The following COL22A1 variants were observed in gnomAD, a reference collection of about 807,000 sequenced individuals.
The protein encoded by COL22A1 is collagen alpha-1(XXII) chain.
A neutral mutation model predicts 248.9 loss-of-function variants in COL22A1; 221 were observed. That is an observed-to-expected ratio of 0.89 (90% CI 0.80 to 0.99). The LOEUF is 0.99. Ranked by LOEUF, COL22A1 falls within the 50% of genes least tolerant of loss-of-function variation. COL22A1 has a pLI of 0.00. For missense variants in COL22A1, 2,240 were observed against 2,179.0 expected (o/e 1.03, Z -0.56); for synonymous variants, 891 against 793.4 (o/e 1.12, Z -2.07).
At chr8:138,795,783 T>C (rs1013218047) in intron 12 of COL22A1, among the ~76,000 whole-genome samples, 6 of 152,206 alleles carry the variant, frequency 3.9e-5, no homozygotes, top group Non-Finnish European at 8.8e-5. Flanking sequence ...GTGCATATCC[T>C]TGATTTATCT....
At chr8:138,638,219 G>T (rs1465365494) in intron 47 of COL22A1, among the ~76,000 whole-genome samples, 1 of 152,168 alleles carries the variant, frequency 6.6e-6, no homozygotes, top group Non-Finnish European at 1.5e-5. Flanking sequence ...TAATAAGTGT[G>T]TTTCAGCAAA....
At chr8:138,658,098 G>A (rs920454368) in intron 44 of COL22A1, among the ~76,000 whole-genome samples, 1 of 152,186 alleles carries the variant, frequency 6.6e-6, no homozygotes, top group African/African-American at 2.4e-5. Context: ...ACAGAAGGAG[G>A]ATCCTGGAAC....
chr8:138,868,553 T>C (rs1209170712), intron 3 of COL22A1, among the ~76,000 whole-genome samples: 1 of 152,184 alleles, frequency 6.6e-6, no homozygotes, highest in African/African-American at 2.4e-5. Context: ...AACTCGATCA[T>C]CTTCCTGAAA....
At chr8:138,760,892 C>T (rs1217663943) in intron 17 of COL22A1, among the ~76,000 whole-genome samples, 3 of 152,158 alleles carry the variant, frequency 2.0e-5, no homozygotes, top group African/African-American at 7.2e-5. Flanking sequence ...GGCGTGGGAG[C>T]AGCCCAGGAG....
At chr8:138,653,052 G>A (rs530545596) in intron 45 of COL22A1, among the ~76,000 whole-genome samples, 1 of 152,134 alleles carries the variant, frequency 6.6e-6, no homozygotes, top group African/African-American at 2.4e-5. Flanking sequence ...CCGCCGGTCT[G>A]AACTATTTTC....
intron 27 of COL22A1, 107 bp downstream of exon 27, chr8:138,720,632 C>G: frequency 1.1e-6 from 1 of 921,416 alleles, no homozygotes; most frequent in Non-Finnish European, 1.8e-6. Flanking sequence ...CTGCCAGGTC[C>G]CAGCTGATAT....
In COL22A1 at chr8:138,878,297, G is replaced by A. The variant is rs1301964988; in HGVS notation, c.111C>T (p.Tyr37=). The A allele has an allele frequency of 5.8e-6, 9 of 1,556,414 alleles. No homozygotes were observed. The highest frequency in any genetic ancestry group is 7.8e-6 in the Non-Finnish European group (9 of 1,149,954). ...AGGTGTCCAGGAGGAAGACCAGATC[G>A]TAGTGGACACTTTTGCAACCTGCAG... ...AQRAGCKSVH[Y]DLVFLLDTSS... The change falls in exon 3 of 65, where the codon TAC becomes TAT. Residue 37 remains tyrosine, a synonymous_variant. Coordinates refer to ENST00000303045, the MANE Select transcript of COL22A1 (RefSeq NM_152888.3).
chr8:138,690,853 C>A lies in COL22A1; in HGVS notation c.2776G>T (p.Ala926Ser). Residue 926 changes from alanine (A) to serine (S), a missense_variant, in exon 36 of 65, where the codon GCC becomes TCC. Transcript: ENST00000303045. ...GNPGAPGHVG[A>S]PGPSGPPGSV... ...CCTGGAGGGCCACTGGGACCGGGGG[C>A]ACCGACATGTCCGGGAGCACCCTGT... 1 of 1,610,788 alleles carries A rather than the reference C, an allele frequency of 6.2e-7. No homozygotes were observed.
chr8:138,704,145 G>C (rs1828206685), intron 30 of COL22A1, among the ~76,000 whole-genome samples: 1 of 152,204 alleles, frequency 6.6e-6, no homozygotes, highest in Admixed American at 6.5e-5. Flanking sequence ...ACTGGGTGGA[G>C]CCAACCACAG....
intron 41 of COL22A1, among the ~76,000 whole-genome samples, chr8:138,667,356 C>T (rs1013313475): frequency 2.6e-5 from 4 of 152,032 alleles, no homozygotes; most frequent in African/African-American, 7.3e-5. Flanking sequence ...AGAGAGAGAG[C>T]AAGGAGACCA....
intron 48 of COL22A1, among the ~76,000 whole-genome samples, chr8:138,635,431 A>G (rs1821070843): frequency 6.6e-6 from 1 of 152,222 alleles, no homozygotes; most frequent in African/African-American, 2.4e-5. Context: ...GATATGCTTG[A>G]AGTGTTTCAT....
chr8:138,793,519 A>G (rs1816245193), intron 12 of COL22A1, among the ~76,000 whole-genome samples: 1 of 152,236 alleles, frequency 6.6e-6, no homozygotes, highest in African/African-American at 2.4e-5. Context: ...TCACACAGCT[A>G]ATATGTGGCG....
chr8:138,603,901 G>A (rs1013670475), intron 59 of COL22A1, among the ~76,000 whole-genome samples: 1 of 152,172 alleles, frequency 6.6e-6, no homozygotes, highest in Non-Finnish European at 1.5e-5. Context: ...AATTTCCATA[G>A]ACCTACTTTC....
At chr8:138,905,510 G>A (rs922619024) in intron 1 of COL22A1, among the ~76,000 whole-genome samples, 3 of 152,154 alleles carry the variant, frequency 2.0e-5, no homozygotes, top group African/African-American at 2.4e-5. Context: ...CAACCAGGCT[G>A]TTTAGAGCTC....
intron 41 of COL22A1, 46 bp from the exon 42 acceptor site, chr8:138,663,786 C>A (rs1015601690): frequency 6.9e-7 from 1 of 1,441,566 alleles, no homozygotes; most frequent in South Asian, 1.1e-5. Context: ...AAATGGCATG[C>A]TGATGTAAAC....
intron 44 of COL22A1, among the ~76,000 whole-genome samples, chr8:138,659,678 G>A (rs952215649): frequency 6.6e-6 from 1 of 152,162 alleles, no homozygotes; most frequent in Admixed American, 6.5e-5. Flanking sequence ...AACCATTGGG[G>A]CTTCTCTGGC....
chr8:138,786,517 C>A (rs755616134), intron 12 of COL22A1, among the ~76,000 whole-genome samples: 41 of 152,178 alleles, frequency 2.7e-4, no homozygotes, highest in Non-Finnish European at 1.3e-4. Context: ...ATCACTGATT[C>A]TTAACATTAT....
intron 27 of COL22A1, among the ~76,000 whole-genome samples, chr8:138,719,791 T>C (rs1188248334): frequency 1.3e-5 from 2 of 152,116 alleles, no homozygotes; most frequent in Non-Finnish European, 2.9e-5. Flanking sequence ...GCCCGTACTG[T>C]GTATCTAAGC....
At chr8:138,723,402 C>G (rs890198900) in intron 25 of COL22A1, among the ~76,000 whole-genome samples, 2 of 152,182 alleles carry the variant, frequency 1.3e-5, no homozygotes, top group Non-Finnish European at 2.9e-5. Context: ...AAAGCAGGAT[C>G]TTGACCAGGA....
Sources: allele counts gnomAD v4.1 joint callset (sites outside exome capture counted in the v4.1 genomes callset), GRCh38; gene constraint gnomAD v4.1.1; transcripts MANE v1.5; gene names NCBI Gene and HGNC (gene_info 2026-07-23, HGNC 2026-07-21).